The following VPS41 variants were observed in gnomAD, a reference collection of about 807,000 sequenced individuals.
VPS41 encodes VPS41 subunit of HOPS complex.
In VPS41, 85 loss-of-function variants were observed where a neutral mutation model predicts 130.9. The observed-to-expected ratio is 0.65, with a 90% CI of 0.55 to 0.78. The LOEUF (loss-of-function observed/expected upper bound fraction) is 0.78, where lower values mean the gene tolerates loss of function less well. Ranked by LOEUF, VPS41 falls within the 30% of genes least tolerant of loss-of-function variation. The probability of loss-of-function intolerance (pLI) is 0.00; values close to 1 mark genes in which losing one functional copy is unlikely to be tolerated. For synonymous variants in VPS41, 335 were observed against 332.9 expected (o/e 1.01, Z -0.07); for missense variants, 874 against 1,018.7 (o/e 0.86, Z 1.93).
chr7:38,778,367 C>T (rs979491017), intron 10 of VPS41, among the ~76,000 whole-genome samples: 3 of 152,138 alleles, frequency 2.0e-5, no homozygotes, highest in Non-Finnish European at 2.9e-5. Context: ...AACCAGGCTG[C>T]GGAAGGTTCT....
intron 10 of VPS41, among the ~76,000 whole-genome samples, chr7:38,787,524 ATAT>A (rs1317163686): frequency 2.6e-5 from 4 of 152,316 alleles, no homozygotes; most frequent in African/African-American, 7.2e-5. Flanking sequence ...AATCTTCATT[ATAT>A]TATTATTATT....
chr7:38,864,649 T>G (rs1786189117), intron 3 of VPS41, among the ~76,000 whole-genome samples: 1 of 152,118 alleles, frequency 6.6e-6, no homozygotes, highest in Non-Finnish European at 1.5e-5. Context: ...ACTTAAAATA[T>G]AACAAAAAAT....
At chr7:38,758,288 A>G (rs1783844399) in intron 18 of VPS41, 66 bp downstream of exon 18, 1 of 1,476,082 alleles carries the variant, frequency 6.8e-7, no homozygotes, top group Non-Finnish European at 9.1e-7. Context: ...AGTTTGCCAA[A>G]TCTAAAGTAT....
At chr7:38,750,249 A>C (rs1380019533) in intron 22 of VPS41, among the ~76,000 whole-genome samples, 2 of 152,224 alleles carry the variant, frequency 1.3e-5, no homozygotes, top group Non-Finnish European at 2.9e-5. Context: ...AGCTTTGGGT[A>C]CCTGATAGGG....
intron 4 of VPS41, among the ~76,000 whole-genome samples, chr7:38,843,881 G>C (rs80052276): frequency 0.02 from 3,008 of 152,232 alleles, 108 homozygotes; most frequent in African/African-American, 0.067. Context: ...GTGATAAAAA[G>C]TGGCATGGCC....
chr7:38,892,648 A>G (rs929446477), intron 2 of VPS41, among the ~76,000 whole-genome samples: 3 of 152,198 alleles, frequency 2.0e-5, no homozygotes, highest in Non-Finnish European at 2.9e-5. Flanking sequence ...ACGGAAGCAT[A>G]TTACTTGTTT....
intron 11 of VPS41, 99 bp from the exon 12 acceptor site, chr7:38,774,343 T>C: frequency 8.9e-7 from 1 of 1,128,450 alleles, no homozygotes; most frequent in Non-Finnish European, 1.2e-6. Context: ...CTTCTCACAC[T>C]CCTATGAAGA....
At chr7:38,868,301 T>C (rs549997365) in intron 3 of VPS41, among the ~76,000 whole-genome samples, 1 of 152,286 alleles carries the variant, frequency 6.6e-6, no homozygotes, top group Admixed American at 6.5e-5. Flanking sequence ...TGGTAAAACA[T>C]GAGAAAGCAG....
At chr7:38,848,315 A>C (rs1419782692) in intron 4 of VPS41, among the ~76,000 whole-genome samples, 2 of 152,090 alleles carry the variant, frequency 1.3e-5, no homozygotes, top group African/African-American at 4.8e-5. Context: ...ACTCCTCCCA[A>C]ATAAACACAG....
At chr7:38,734,221 T>C (rs1293175194) in intron 25 of VPS41, among the ~76,000 whole-genome samples, 1 of 152,240 alleles carries the variant, frequency 6.6e-6, no homozygotes, top group African/African-American at 2.4e-5. Context: ...CTTTCAGAGA[T>C]TTATTTTCCT....
rs1460943085 is a variant in VPS41 at position 38,796,882 on chromosome 7, A to G, written c.451-18T>C. The G allele has an allele frequency of 3.7e-6, 6 of 1,613,618 alleles. No homozygotes were observed. In the South Asian group the frequency reaches 6.6e-5, roughly 18 times the overall value. On this transcript the variant is annotated intron_variant, in intron 7 of 28. Transcript: ENST00000310301. ...AGTAGCAGCTAGGGACAAAAAGCAT[A>G]AACAAAGAATCTTAGAAACTGAAAA...
intron 2 of VPS41, among the ~76,000 whole-genome samples, chr7:38,870,613 C>G (rs1786330861): frequency 6.6e-6 from 1 of 151,380 alleles, no homozygotes; most frequent in Admixed American, 6.6e-5. Flanking sequence ...TAAAATATTA[C>G]CAGGTATGCC....
intron 7 of VPS41, among the ~76,000 whole-genome samples, chr7:38,807,713 G>A (rs1018106557): frequency 6.6e-6 from 1 of 152,252 alleles, no homozygotes. Context: ...TTTGTACCAC[G>A]ACACCAACTA....
chr7:38,865,034 C>T (rs554760313), intron 3 of VPS41, among the ~76,000 whole-genome samples: 1 of 152,048 alleles, frequency 6.6e-6, no homozygotes, highest in East Asian at 1.9e-4. Context: ...GCAAAGGAAA[C>T]AAGAGTAGTC....
At chr7:38,900,163 G>A (rs1343027373) in intron 1 of VPS41, among the ~76,000 whole-genome samples, 3 of 152,072 alleles carry the variant, frequency 2.0e-5, no homozygotes, top group Admixed American at 6.6e-5. Flanking sequence ...ACTTGAACCC[G>A]GAAGAATCAC....
intron 2 of VPS41, among the ~76,000 whole-genome samples, chr7:38,886,977 A>G (rs987707967): frequency 6.6e-6 from 1 of 152,236 alleles, no homozygotes; most frequent in African/African-American, 2.4e-5. Flanking sequence ...AAGGAATAGC[A>G]TCAACATAAA....
At chr7:38,773,017 T>C (rs1784185559) in intron 12 of VPS41, among the ~76,000 whole-genome samples, 2 of 152,200 alleles carry the variant, frequency 1.3e-5, no homozygotes, top group African/African-American at 2.4e-5. Flanking sequence ...CTATGTCTAC[T>C]GCATATTAGA....
chr7:38,896,551 C>T (rs977429285), intron 2 of VPS41, among the ~76,000 whole-genome samples: 3 of 152,200 alleles, frequency 2.0e-5, no homozygotes, highest in Non-Finnish European at 2.9e-5. Flanking sequence ...TTTTCTGCTG[C>T]AATTTTTTTT....
In VPS41 at chr7:38,862,525, AT is replaced by A. The variant is rs1479285942; in HGVS notation, c.246+19del. 6.8e-7 allele frequency: 1 copy of A among 1,472,334 alleles called. No homozygotes were observed. The allele number at this position is 1,472,334 out of a possible 1,614,324, so 91.2% of individuals were successfully genotyped here. ...TAACATGAAGTTTAGCTCATACATT[AT>A]TTTATACAGAATACTTACTACATCA... On this transcript the variant is annotated intron_variant, in intron 4 of 28. Coordinates refer to ENST00000310301, the MANE Select transcript of VPS41 (RefSeq NM_014396.4).
Sources: gnomAD v4.1 joint callset for allele counts (sites outside exome capture counted in the v4.1 genomes callset) on GRCh38, gnomAD v4.1.1 for gene constraint, MANE v1.5 for transcripts, NCBI Gene and HGNC (gene_info 2026-07-23, HGNC 2026-07-21) for gene names.